CDH22: variants seen among roughly 807,000 people sequenced by gnomAD.
The protein encoded by CDH22 is cadherin 22, also known as cadherin-22.
Under a neutral mutation model 58.4 loss-of-function variants are expected in CDH22, and 30 were observed. The observed-to-expected ratio is 0.51, with a 90% confidence interval of 0.38 to 0.70. The LOEUF is 0.70. CDH22 is among the 30% of genes least tolerant of loss of function. The pLI, the probability that CDH22 is intolerant of heterozygous loss-of-function variation, is 0.00. For synonymous variants in CDH22, 513 were observed against 558.2 expected, an observed-to-expected ratio of 0.92 and a Z score of 1.14; for missense variants, 1,014 against 1,233.9, an observed-to-expected ratio of 0.82 and a Z score of 2.67.
chr20:46,210,650 C>A lies in CDH22; in HGVS notation c.1033-90G>T. The A allele has an allele frequency of 7.9e-7, 1 of 1,271,436 alleles. No homozygotes were observed. The highest frequency in any genetic ancestry group is 2.1e-5 in the South Asian group (1 of 47,414). The allele number at this position is 1,271,436 out of a possible 1,614,324, so 78.8% of individuals were successfully genotyped here. On this transcript the variant is annotated intron_variant, in intron 6 of 11. Coordinates refer to ENST00000537909, the MANE Select transcript of CDH22 (RefSeq NM_021248.3). The surrounding 1 kb of genome is among the most constrained non-coding windows in gnomAD (Gnocchi z 4.5). ...GGAGGCCAAGGCAGGCGGGGTTGGC[C>A]CAAGGTCACACGTTGTCTCAGCAGG...
At chr20:46,238,962 T>C (rs967921500) in intron 3 of CDH22, among the ~76,000 whole-genome samples, 2 of 152,272 alleles carry the variant, frequency 1.3e-5, no homozygotes, top group East Asian at 3.8e-4. Flanking sequence ...CATGGCTGCA[T>C]GATCTGGTCA....
rs1030170100 is a variant in CDH22, at chr20:46,174,409, G to A, written c.*97C>T. The A allele has an allele frequency of 2.4e-6, 2 of 831,152 alleles. No individual in the cohort carries two copies. Among genetic ancestry groups the A allele is most frequent in the African/African-American group, 1.8e-5 (1 of 54,474 alleles). The allele number at this position is 831,152 out of a possible 1,614,324, so 51.5% of individuals were successfully genotyped here. A position where few individuals can be genotyped will look rare whatever the true frequency, so the allele number is the denominator to read the frequency against. Reference sequence around the variant, plus strand: ...CAGCCGCCAAGGGAGGGTTGGGGGAGGGCAGGAAAGGGGGTCCGCGGGGGA... The same window carrying A: ...CAGCCGCCAAGGGAGGGTTGGGGGAAGGCAGGAAAGGGGGTCCGCGGGGGA... On this transcript the variant is annotated 3_prime_UTR_variant, in exon 12 of 12. Transcript: ENST00000537909. This position sits in a 1 kb window ranked among gnomAD's most constrained non-coding sequence, Gnocchi z 4.4.
rs1274363320 is a variant in CDH22 at position 46,297,636 on chromosome 20, A to G, written c.-400+10619T>C. ...GGGGTTTGTGAGCACAAAGGCTCAGAAAAGAGAGTGCGGGCTCAGTGAGGG... is the reference window on the plus strand; with the variant it reads ...GGGGTTTGTGAGCACAAAGGCTCAGGAAAGAGAGTGCGGGCTCAGTGAGGG... On this transcript the variant is annotated intron_variant, in intron 1 of 11. Transcript: ENST00000537909. 3.3e-5 allele frequency among the ~76,000 whole-genome samples: 5 copies of G among 151,290 alleles called. No individual in the cohort carries two copies. In the East Asian group the frequency reaches 5.8e-4, roughly 18 times the overall value.
At chr20:46,192,111 TTTTA>T (rs546259980) in intron 8 of CDH22, among the ~76,000 whole-genome samples, 14 of 152,330 alleles carry the variant, frequency 9.2e-5, no homozygotes, top group South Asian at 8.3e-4. Context: ...CACCCTCTGT[TTTTA>T]TTTAACTTTC....
intron 1 of CDH22, among the ~76,000 whole-genome samples, chr20:46,260,267 A>G (rs1463921872): frequency 1.3e-5 from 2 of 152,222 alleles, no homozygotes; most frequent in East Asian, 3.9e-4. Flanking sequence ...AACAACACCA[A>G]GAGGCCAAAG....
intron 8 of CDH22, among the ~76,000 whole-genome samples, chr20:46,196,328 G>A (rs917626994): frequency 9.9e-5 from 15 of 152,114 alleles, no homozygotes; most frequent in Admixed American, 2.6e-4. Context: ...AGGCTGGAGC[G>A]CAGGGGCATG....
chr20:46,200,151 T>A (rs2085946922), intron 7 of CDH22, among the ~76,000 whole-genome samples: 1 of 151,154 alleles, frequency 6.6e-6, no homozygotes, highest in Non-Finnish European at 1.5e-5. Context: ...TTTTTTGTAT[T>A]TTTCAGTAGA....
At position 46,300,491 on chromosome 20, in the gene CDH22, C is replaced by T. The variant is rs866964043; in HGVS notation, c.-400+7764G>A. Among the ~76,000 whole-genome samples the T allele has an allele frequency of 9.2e-5, 14 of 152,290 alleles. No homozygotes were observed. Among genetic ancestry groups the T allele is most frequent in the Middle Eastern group, 3.4e-3 (1 of 294 alleles). On this transcript the variant is annotated intron_variant, in intron 1 of 11. Transcript: ENST00000537909. The surrounding 1 kb of genome is among the most constrained non-coding windows in gnomAD (Gnocchi z 4.4). ...TCTGCCCATCACACACACAAGCGCG[C>T]GTGTGCGTGCGCGTGCACACACACA... is the stretch of plus-strand genomic sequence containing the variant.
At chr20:46,227,437 G>A in intron 4 of CDH22, 71 bp downstream of exon 4, 1 of 1,386,900 alleles carries the variant, frequency 7.2e-7, no homozygotes, top group Non-Finnish European at 9.9e-7. Context: ...AGACGTCTGG[G>A]GTGGTCCTCG....
intron 11 of CDH22, among the ~76,000 whole-genome samples, chr20:46,176,337 G>T (rs2085738507): frequency 6.6e-6 from 1 of 152,186 alleles, no homozygotes; most frequent in South Asian, 2.1e-4. Context: ...TGTTGACCAA[G>T]CGAATCTCAA....
intron 7 of CDH22, among the ~76,000 whole-genome samples, chr20:46,209,491 T>A (rs190697008): frequency 6.6e-6 from 1 of 152,248 alleles, no homozygotes; most frequent in African/African-American, 2.4e-5. Context: ...GGCCAGGCTC[T>A]AGTTCACATT....
rs760190530 is a variant in CDH22 at position 46,251,142 on chromosome 20, C to T, written c.153G>A (p.Gln51=). The T allele has an allele frequency of 1.0e-5, 16 of 1,597,178 alleles. No individual in the cohort carries two copies. The highest frequency in any genetic ancestry group is 1.3e-5 in the Non-Finnish European group (15 of 1,172,800). The part of the protein sequence containing the change: ...TPSPSAPGAR[Q]DGALGAGRVK... ...CGCGGCCGGCTCCCAGCGCGCCGTC[C>T]TGCCGAGCTCCGGGCGCCGACGGCG... Residue 51 remains glutamine (Q), a synonymous_variant, in exon 2 of 12, where the codon CAG becomes CAA. Transcript: ENST00000537909. The surrounding 1 kb of genome is among the most constrained non-coding windows in gnomAD (Gnocchi z 6.7).
chr20:46,273,896 G>A (rs1271790923), intron 1 of CDH22, among the ~76,000 whole-genome samples: 1 of 152,244 alleles, frequency 6.6e-6, no homozygotes, highest in African/African-American at 2.4e-5. Flanking sequence ...AAGGCCCCAG[G>A]GCCCAGTGTG....
At chr20:46,285,777 T>A (rs187019025) in intron 1 of CDH22, among the ~76,000 whole-genome samples, 1 of 152,162 alleles carries the variant, frequency 6.6e-6, no homozygotes, top group Non-Finnish European at 1.5e-5. Context: ...CACATATACA[T>A]TGTGCTCCTG....
intron 4 of CDH22, among the ~76,000 whole-genome samples, chr20:46,225,258 A>G (rs1003084883): frequency 6.6e-6 from 1 of 152,342 alleles, no homozygotes; most frequent in Non-Finnish European, 1.5e-5. Flanking sequence ...AAAATGATGT[A>G]TGTGTGAGGT....
At chr20:46,258,764 T>C (rs888517801) in intron 1 of CDH22, among the ~76,000 whole-genome samples, 3 of 152,236 alleles carry the variant, frequency 2.0e-5, no homozygotes, top group Admixed American at 2.0e-4. Context: ...CTCTGGGTCC[T>C]GTTGAGGCTC....
chr20:46,189,437 C>A (rs1442418934), intron 8 of CDH22, among the ~76,000 whole-genome samples: 6 of 152,102 alleles, frequency 3.9e-5, no homozygotes, highest in Non-Finnish European at 8.8e-5. Flanking sequence ...GAGGGGGCGG[C>A]CAGGGCCTGA....
At chr20:46,304,085 T>A (rs2086664368) in intron 1 of CDH22, among the ~76,000 whole-genome samples, 1 of 152,126 alleles carries the variant, frequency 6.6e-6, no homozygotes, top group South Asian at 2.1e-4. Flanking sequence ...CACTGCCGGC[T>A]GCATGCAGGG....
chr20:46,191,887 C>T lies in CDH22; in HGVS notation c.1424-4940G>A, dbSNP rs552069684. ...CCAAGTCCCCCATGCCCACAAGGCC[C>T]CCCATGATCATCCTGCTGTGGTCTC... On this transcript the variant is annotated intron_variant, in intron 8 of 11. Transcript: ENST00000537909. Among the ~76,000 whole-genome samples, 14 of 152,266 alleles carry T rather than the reference C, an allele frequency of 9.2e-5. No individual in the cohort carries two copies. The East Asian group carries it at 2.5e-3, about 27-fold the overall frequency.
Sources: allele counts gnomAD v4.1 joint callset (sites outside exome capture counted in the v4.1 genomes callset), GRCh38; gene constraint gnomAD v4.1.1; non-coding constraint Gnocchi (gnomAD v3.1); transcripts MANE v1.5; gene names NCBI Gene and HGNC (gene_info 2026-07-23, HGNC 2026-07-21).